The following ESRRB variants were observed in gnomAD, a reference collection of about 807,000 sequenced individuals.
The protein encoded by ESRRB is estrogen related receptor beta, also known as steroid hormone receptor ERR2.
A neutral mutation model predicts 46.0 loss-of-function variants in ESRRB; 16 were observed. The observed-to-expected ratio is 0.35, with a 90% CI of 0.24 to 0.53. The LOEUF is 0.53. ESRRB is among the 20% of genes least tolerant of loss of function. ESRRB has a pLI of 0.93. For missense variants in ESRRB, 488 were observed against 607.4 expected, an observed-to-expected ratio of 0.80 and a Z score of 2.07; for synonymous variants, 246 against 259.6, an observed-to-expected ratio of 0.95 and a Z score of 0.50.
chr14:76,363,981 G>T (rs534360167), intron 1 of ESRRB, among the ~76,000 whole-genome samples: 1 of 152,304 alleles, frequency 6.6e-6, no homozygotes, highest in East Asian at 1.9e-4. Context: ...TCAGATGAGA[G>T]GTGGGCTTGG....
At chr14:76,356,476 C>G (rs757576431) in intron 1 of ESRRB, among the ~76,000 whole-genome samples, 5 of 152,144 alleles carry the variant, frequency 3.3e-5, no homozygotes, top group Non-Finnish European at 5.9e-5. Flanking sequence ...AAAGCCTGTG[C>G]TCTATGTTAT....
rs1889031414 is a variant in ESRRB, at chr14:76,464,659, A to G, written c.577+1998A>G. ...GAAAAAACAGTCTCCTTTCCAGATT[A>G]AAAATGGGCTACATCGAGCCCGCAG... On this transcript the variant is annotated intron_variant, in intron 3 of 6. Transcript: ENST00000644823. Among the ~76,000 whole-genome samples, 2 of 152,204 alleles carry G rather than the reference A, an allele frequency of 1.3e-5. 1 individual carries two copies. The highest frequency in any genetic ancestry group is 1.3e-4 in the Admixed American group (2 of 15,282).
chr14:76,491,321 C>T, intron 5 of ESRRB, 126 bp from the exon 6 acceptor site: 1 of 875,960 alleles, frequency 1.1e-6, no homozygotes. Flanking sequence ...GGGGCAGGAT[C>T]CAGGGGTGCC....
chr14:76,374,011 G>A (rs186666959), upstream of ESRRB, among the ~76,000 whole-genome samples: 55 of 152,156 alleles, frequency 3.6e-4, no homozygotes, highest in East Asian at 3.7e-3. Context: ...AGTTAAAAAC[G>A]GTGCACCCAC....
chr14:76,450,606 T>G (rs1888344922), intron 2 of ESRRB, among the ~76,000 whole-genome samples: 1 of 150,368 alleles, frequency 6.7e-6, no homozygotes, highest in African/African-American at 2.4e-5. Flanking sequence ...TCCATTCACC[T>G]GGGGCCCAGA....
chr14:76,405,575 G>A (rs910199030), intron 1 of ESRRB, among the ~76,000 whole-genome samples: 1 of 152,114 alleles, frequency 6.6e-6, no homozygotes, highest in African/African-American at 2.4e-5. Context: ...GGGGCTTGTT[G>A]GTGAGACCTC....
At chr14:76,355,241 A>G (rs1459235790) in intron 1 of ESRRB, among the ~76,000 whole-genome samples, 1 of 152,182 alleles carries the variant, frequency 6.6e-6, no homozygotes. Flanking sequence ...AGGGACAGCT[A>G]CCAGGGCTGG....
rs192737252 is a variant in ESRRB, at chr14:76,340,005, G to A, written c.2+29089G>A. Among the ~76,000 whole-genome samples the A allele has an allele frequency of 2.3e-4, 35 of 152,142 alleles. No homozygotes were observed. In the East Asian group the frequency reaches 3.7e-3, roughly 16 times the overall value. Reference sequence around the variant, plus strand: ...ATCAGGACTTTAATTAGACACGTCCGAGAGGGCAGTTCCATCTCGGGGCAG... The same window carrying A: ...ATCAGGACTTTAATTAGACACGTCCAAGAGGGCAGTTCCATCTCGGGGCAG... On this transcript the variant is annotated intron_variant, in intron 1 of 6. Coordinates refer to the ESRRB transcript ENST00000512784.
At chr14:76,392,966 G>A (rs768436424) in intron 1 of ESRRB, among the ~76,000 whole-genome samples, 4 of 152,242 alleles carry the variant, frequency 2.6e-5, no homozygotes, top group Non-Finnish European at 5.9e-5. Context: ...CCCAGGGCCT[G>A]TGGCCAGCCC....
intron 1 of ESRRB, among the ~76,000 whole-genome samples, chr14:76,394,893 C>T (rs984033544): frequency 3.3e-5 from 5 of 152,158 alleles, no homozygotes; most frequent in Non-Finnish European, 7.4e-5. Flanking sequence ...CTGACATGAA[C>T]CATTCCCATG....
chr14:76,448,993 G>GT (rs1306925585), intron 2 of ESRRB, among the ~76,000 whole-genome samples: 1 of 152,118 alleles, frequency 6.6e-6, no homozygotes, highest in Non-Finnish European at 1.5e-5. Flanking sequence ...CTTCTCTAGA[G>GT]TTTTTTGAGT....
intron 1 of ESRRB, among the ~76,000 whole-genome samples, chr14:76,430,280 T>C (rs1468198112): frequency 6.6e-6 from 1 of 152,232 alleles, no homozygotes; most frequent in African/African-American, 2.4e-5. Flanking sequence ...TGGATAGCTC[T>C]TGATGGCCCC....
At chr14:76,435,668 TA>T (rs1595115165) in intron 1 of ESRRB, among the ~76,000 whole-genome samples, 1 of 152,208 alleles carries the variant, frequency 6.6e-6, no homozygotes, top group East Asian at 1.9e-4. Context: ...CCATCTCTAC[TA>T]AAAATACAAA....
At chr14:76,456,387 A>AACTCC (rs1566908224) in intron 2 of ESRRB, among the ~76,000 whole-genome samples, 1 of 152,124 alleles carries the variant, frequency 6.6e-6, no homozygotes, top group African/African-American at 2.4e-5. Flanking sequence ...GAAAGTTATT[A>AACTCC]ACTGACCTCC....
At chr14:76,447,821 G>A (rs1167566476) in intron 2 of ESRRB, among the ~76,000 whole-genome samples, 2 of 152,030 alleles carry the variant, frequency 1.3e-5, no homozygotes, top group African/African-American at 4.8e-5. Flanking sequence ...CCCTGCTTCA[G>A]CTCAGGCCAC....
At chr14:76,425,463 G>T (rs1887157380) in intron 1 of ESRRB, among the ~76,000 whole-genome samples, 1 of 151,952 alleles carries the variant, frequency 6.6e-6, no homozygotes, top group Non-Finnish European at 1.5e-5. Flanking sequence ...TGAGGTCCTG[G>T]CCTGCCTGAG....
intron 2 of ESRRB, among the ~76,000 whole-genome samples, chr14:76,461,099 G>A (rs926742469): frequency 5.3e-5 from 8 of 151,968 alleles, no homozygotes; most frequent in East Asian, 1.9e-4. Flanking sequence ...ATGCGTATTC[G>A]TTAATAAGAG....
At chr14:76,492,161 T>G (rs1890256577) in intron 6 of ESRRB, among the ~76,000 whole-genome samples, 1 of 152,204 alleles carries the variant, frequency 6.6e-6, no homozygotes. Context: ...AGCACTCAAT[T>G]ATTTATTTAT....
intron 1 of ESRRB, among the ~76,000 whole-genome samples, chr14:76,422,977 T>C (rs1245537884): frequency 1.3e-5 from 2 of 152,156 alleles, no homozygotes; most frequent in Non-Finnish European, 2.9e-5. Context: ...TACATTGATT[T>C]TGTGTTAAAA....
Sources: gnomAD v4.1 joint callset for allele counts (sites outside exome capture counted in the v4.1 genomes callset) on GRCh38, gnomAD v4.1.1 for gene constraint, MANE v1.5 for transcripts, NCBI Gene and HGNC (gene_info 2026-07-23, HGNC 2026-07-21) for gene names.